The following RORA variants were observed in gnomAD, a reference collection of about 807,000 sequenced individuals.
RORA encodes the protein RAR related orphan receptor A, also known as nuclear receptor ROR-alpha.
RORA carries 7 observed loss-of-function variants against 69.5 expected under a neutral mutation model. The observed-to-expected ratio is 0.10, with a 90% CI of 0.06 to 0.19. The LOEUF is 0.19. Ranked by LOEUF, RORA falls within the 10% of genes least tolerant of loss-of-function variation. RORA has a pLI of 1.00. For missense variants in RORA, 457 were observed against 663.0 expected (o/e 0.69, Z 3.41); for synonymous variants, 261 against 240.8 (o/e 1.08, Z -0.78).
intron 1 of RORA, among the ~76,000 whole-genome samples, chr15:60,886,686 T>C (rs1217761411): frequency 2.0e-5 from 3 of 152,184 alleles, no homozygotes; most frequent in South Asian, 2.1e-4. Flanking sequence ...TTTTCTTGCA[T>C]GAACAATTGT....
At chr15:60,629,375 C>A (rs1045503062) in intron 2 of RORA, among the ~76,000 whole-genome samples, 2 of 151,770 alleles carry the variant, frequency 1.3e-5, no homozygotes, top group African/African-American at 4.8e-5. Context: ...TTAGTAGATA[C>A]GAGGTTTTGC....
chr15:60,644,423 C>T (rs1409364085), intron 2 of RORA, among the ~76,000 whole-genome samples: 1 of 152,220 alleles, frequency 6.6e-6, no homozygotes, highest in East Asian at 1.9e-4. Flanking sequence ...AGATACGTCT[C>T]TTCTTGGAAG....
intron 2 of RORA, among the ~76,000 whole-genome samples, chr15:60,652,890 C>G (rs1241603546): frequency 2.0e-5 from 3 of 152,192 alleles, no homozygotes; most frequent in Non-Finnish European, 4.4e-5. Context: ...CATTGTTTCT[C>G]TGTTTGACTA....
At chr15:61,055,547 T>C (rs1165428379) in intron 1 of RORA, among the ~76,000 whole-genome samples, 2 of 152,232 alleles carry the variant, frequency 1.3e-5, no homozygotes, top group African/African-American at 4.8e-5. Context: ...GTGTTTTCGA[T>C]GTTCAGGTCC....
At chr15:60,579,070 T>A (rs894653630) in intron 2 of RORA, among the ~76,000 whole-genome samples, 2 of 150,368 alleles carry the variant, frequency 1.3e-5, no homozygotes, top group Admixed American at 1.3e-4. Context: ...CCCGGTTTTT[T>A]TTTTTTTTTT....
chr15:61,174,773 T>C (rs1325713679), intron 1 of RORA, among the ~76,000 whole-genome samples: 1 of 151,894 alleles, frequency 6.6e-6, no homozygotes, highest in Admixed American at 6.6e-5. Flanking sequence ...ATTTTACTGA[T>C]TGCCAGCTAA....
chr15:60,988,120 C>T (rs946424469), intron 1 of RORA, among the ~76,000 whole-genome samples: 3 of 152,070 alleles, frequency 2.0e-5, no homozygotes, highest in Non-Finnish European at 4.4e-5. Context: ...TTCTAAGTAC[C>T]CAGGAAGTGA....
At chr15:60,513,463 G>A (rs572138309) in intron 4 of RORA, among the ~76,000 whole-genome samples, 67 of 152,268 alleles carry the variant, frequency 4.4e-4, no homozygotes, top group Non-Finnish European at 7.8e-4. Flanking sequence ...TAATATTAAC[G>A]ACAGTAATTA....
chr15:61,024,438 C>T (rs1368229145), intron 1 of RORA, among the ~76,000 whole-genome samples: 3 of 134,680 alleles, frequency 2.2e-5, no homozygotes, highest in East Asian at 2.3e-4. Context: ...TGCAAGCTAC[C>T]ATGCCCGGTA....
At chr15:60,928,215 T>C (rs1446426696) in intron 1 of RORA, among the ~76,000 whole-genome samples, 3 of 152,334 alleles carry the variant, frequency 2.0e-5, no homozygotes, top group South Asian at 4.1e-4. Context: ...CATGAGCCTT[T>C]TGCAACATAT....
rs184048931 is a variant in RORA, at chr15:60,583,857, G to A, written c.197-52006C>T. ...TACCTTTCTGAGATTCCCTTTCCTC[G>A]TGAGTAAGAGGAAAGGGTTAGCCCC... On this transcript the variant is annotated intron_variant, in intron 2 of 10. Transcript: ENST00000335670. Among the ~76,000 whole-genome samples the A allele has an allele frequency of 5.9e-5, 9 of 152,202 alleles. No homozygotes were observed. In the East Asian group the frequency reaches 9.7e-4, roughly 16 times the overall value.
At chr15:61,173,841 G>A (rs2079605797) in intron 1 of RORA, among the ~76,000 whole-genome samples, 2 of 152,126 alleles carry the variant, frequency 1.3e-5, no homozygotes, top group African/African-American at 4.8e-5. Flanking sequence ...ATTTTTTGTA[G>A]AAAGGTCTAC....
intron 1 of RORA, among the ~76,000 whole-genome samples, chr15:60,710,800 C>G (rs187471179): frequency 6.6e-6 from 1 of 152,178 alleles, no homozygotes; most frequent in Non-Finnish European, 1.5e-5. Flanking sequence ...GCTTACTACA[C>G]TGGTCCCAGG....
At position 60,905,027 on chromosome 15, in the gene RORA, A is replaced by T. The variant is rs879595843; in HGVS notation, c.167-226341T>A. On this transcript the variant is annotated intron_variant, in intron 1 of 10. Transcript: ENST00000335670. The surrounding 1 kb of genome is among the most constrained non-coding windows in gnomAD (Gnocchi z 4.8). ...TGGGATGAGCTGCATGAAGGACTGC[A>T]TTACCTGAACAAACGGGTGAGGGCT... Among the ~76,000 whole-genome samples the T allele has an allele frequency of 4.6e-5, 7 of 152,188 alleles. No individual in the cohort carries two copies. The highest frequency in any genetic ancestry group is 8.8e-5 in the Non-Finnish European group (6 of 68,034).
At chr15:60,664,017 G>A (rs957821187) in intron 2 of RORA, among the ~76,000 whole-genome samples, 1 of 152,170 alleles carries the variant, frequency 6.6e-6, no homozygotes, top group African/African-American at 2.4e-5. Flanking sequence ...TTGTTCATTA[G>A]AAATCTAACC....
At chr15:60,950,560 C>T (rs1595840775) in intron 1 of RORA, among the ~76,000 whole-genome samples, 1 of 141,318 alleles carries the variant, frequency 7.1e-6, no homozygotes, top group Admixed American at 7.4e-5. Flanking sequence ...TGTGCAGAGA[C>T]ACACATAGGC....
intron 1 of RORA, among the ~76,000 whole-genome samples, chr15:61,195,216 T>C (rs566959116): frequency 3.3e-5 from 5 of 152,106 alleles, no homozygotes; most frequent in Non-Finnish European, 5.9e-5. Flanking sequence ...GGATGTTACT[T>C]ACATTCAGCT....
chr15:60,852,213 G>A (rs2073334182), intron 1 of RORA, among the ~76,000 whole-genome samples: 1 of 152,272 alleles, frequency 6.6e-6, no homozygotes, highest in Admixed American at 6.5e-5. Flanking sequence ...CGATGTGTCT[G>A]GCGTGGTCGG....
intron 1 of RORA, among the ~76,000 whole-genome samples, chr15:60,862,036 T>C (rs1296305415): frequency 6.6e-6 from 1 of 152,258 alleles, no homozygotes; most frequent in Non-Finnish European, 1.5e-5. Context: ...CTAGATTTTA[T>C]CATGGCTCCT....
Sources: allele counts gnomAD v4.1 joint callset (sites outside exome capture counted in the v4.1 genomes callset), GRCh38; gene constraint gnomAD v4.1.1; non-coding constraint Gnocchi (gnomAD v3.1); transcripts MANE v1.5; gene names NCBI Gene and HGNC (gene_info 2026-07-23, HGNC 2026-07-21).